Variants in KCNH7 observed in about 807,000 individuals in gnomAD.
KCNH7 encodes the protein voltage-gated inwardly rectifying potassium channel KCNH7.
A neutral mutation model predicts 120.8 loss-of-function variants in KCNH7; 49 were observed. That is an observed-to-expected ratio of 0.41 (90% CI 0.32 to 0.51). The LOEUF is 0.51. KCNH7 is among the 20% of genes least tolerant of loss of function. The pLI, the probability that KCNH7 is intolerant of heterozygous loss-of-function variation, is 0.38. For synonymous variants in KCNH7, 547 were observed against 516.1 expected (o/e 1.06, Z -0.81); for missense variants, 1,097 against 1,446.6 (o/e 0.76, Z 3.92).
chr2:162,832,882 T>G (rs1269562589), intron 2 of KCNH7, among the ~76,000 whole-genome samples: 1 of 152,156 alleles, frequency 6.6e-6, no homozygotes, highest in African/African-American at 2.4e-5. Context: ...AACTTTCTAC[T>G]GATATCTGAC....
chr2:162,675,027 TG>T (rs1397267020), intron 2 of KCNH7, among the ~76,000 whole-genome samples: 2 of 151,362 alleles, frequency 1.3e-5, no homozygotes, highest in Non-Finnish European at 3.0e-5. Context: ...AACTACAAAT[TG>T]GAAAAAGGTA....
chr2:162,812,372 A>G (rs964562779), intron 2 of KCNH7, among the ~76,000 whole-genome samples: 1 of 152,170 alleles, frequency 6.6e-6, no homozygotes, highest in African/African-American at 2.4e-5. Flanking sequence ...CCAGGAGGCT[A>G]GTGCAGTAAT....
intron 2 of KCNH7, among the ~76,000 whole-genome samples, chr2:162,668,285 T>A (rs1385930775): frequency 2.0e-5 from 3 of 152,158 alleles, no homozygotes; most frequent in Non-Finnish European, 4.4e-5. Flanking sequence ...ACTGTGTAGA[T>A]AACAAGACAT....
intron 2 of KCNH7, among the ~76,000 whole-genome samples, chr2:162,655,787 G>T (rs983225369): frequency 6.6e-6 from 1 of 151,984 alleles, no homozygotes; most frequent in Non-Finnish European, 1.5e-5. Flanking sequence ...GCAAGACTCC[G>T]TCTCAAAAAA....
chr2:162,382,339 A>G (rs1686442514), intron 13 of KCNH7, among the ~76,000 whole-genome samples: 2 of 152,106 alleles, frequency 1.3e-5, no homozygotes, highest in Admixed American at 6.6e-5. Context: ...AAACAGCAGT[A>G]TAAAAAATGA....
intron 2 of KCNH7, among the ~76,000 whole-genome samples, chr2:162,578,256 T>C (rs80277868): frequency 0.014 from 2,163 of 152,030 alleles, 20 homozygotes; most frequent in Non-Finnish European, 0.023. Context: ...AATAATTTTT[T>C]AGCAAATTCA....
At chr2:162,412,284 G>C (rs1238222786) in intron 9 of KCNH7, among the ~76,000 whole-genome samples, 1 of 151,910 alleles carries the variant, frequency 6.6e-6, no homozygotes, top group Non-Finnish European at 1.5e-5. Context: ...AGAAGAAAAT[G>C]ATAAAATCTT....
chr2:162,684,165 G>T (rs1298375314), intron 2 of KCNH7, among the ~76,000 whole-genome samples: 1 of 152,004 alleles, frequency 6.6e-6, no homozygotes, highest in Non-Finnish European at 1.5e-5. Flanking sequence ...ACTGTAACTG[G>T]ACCCCTTCCT....
At chr2:162,518,514 G>A (rs1335216868) in intron 3 of KCNH7, among the ~76,000 whole-genome samples, 1 of 151,784 alleles carries the variant, frequency 6.6e-6, no homozygotes, top group Non-Finnish European at 1.5e-5. Flanking sequence ...AAGAATATAT[G>A]ATCTAAGGCA....
At chr2:162,679,727 T>C (rs185628642) in intron 2 of KCNH7, among the ~76,000 whole-genome samples, 1 of 151,754 alleles carries the variant, frequency 6.6e-6, no homozygotes, top group Non-Finnish European at 1.5e-5. Context: ...TTATCTATCT[T>C]TCAGGGTGAA....
chr2:162,742,989 G>T (rs1688190627), intron 2 of KCNH7, among the ~76,000 whole-genome samples: 1 of 152,172 alleles, frequency 6.6e-6, no homozygotes, highest in African/African-American at 2.4e-5. Flanking sequence ...ACCTGACACA[G>T]GTTATGGGGA....
intron 6 of KCNH7, among the ~76,000 whole-genome samples, chr2:162,455,585 T>A (rs1688937024): frequency 6.6e-6 from 1 of 152,158 alleles, no homozygotes; most frequent in South Asian, 2.1e-4. Flanking sequence ...TTTTGGTTAG[T>A]AGGCTATTAA....
intron 2 of KCNH7, among the ~76,000 whole-genome samples, chr2:162,708,005 C>T (rs1380888362): frequency 2.6e-5 from 4 of 151,958 alleles, no homozygotes; most frequent in African/African-American, 9.7e-5. Flanking sequence ...ATCTACTTCC[C>T]ATTTCTCTTG....
At chr2:162,551,156 A>G (rs1214746733) in intron 2 of KCNH7, among the ~76,000 whole-genome samples, 2 of 152,216 alleles carry the variant, frequency 1.3e-5, no homozygotes, top group Non-Finnish European at 2.9e-5. Context: ...AAAGGTATTC[A>G]TCAGAAGGCG....
chr2:162,704,684 C>T (rs1206402788), intron 2 of KCNH7, among the ~76,000 whole-genome samples: 1 of 152,224 alleles, frequency 6.6e-6, no homozygotes, highest in African/African-American at 2.4e-5. Flanking sequence ...CTTTCCATCT[C>T]CTTTTCCAGG....
chr2:162,749,434 C>T (rs1688465911), intron 2 of KCNH7, among the ~76,000 whole-genome samples: 1 of 152,150 alleles, frequency 6.6e-6, no homozygotes, highest in South Asian at 2.1e-4. Context: ...ACAAAAATCT[C>T]TGCTCTTGTG....
intron 2 of KCNH7, among the ~76,000 whole-genome samples, chr2:162,606,744 CTTGAGAAGAAATGTGACAAGATCAT>C (rs1682786570): frequency 6.6e-6 from 1 of 152,080 alleles, no homozygotes; most frequent in Admixed American, 6.5e-5. Context: ...AACAAAATAT[CTTGAGAAGAAATGTGACAAGATCAT>C]TTTTAAAGTT....
At chr2:162,557,644 G>A (rs1334357815) in intron 2 of KCNH7, among the ~76,000 whole-genome samples, 2 of 152,122 alleles carry the variant, frequency 1.3e-5, no homozygotes, top group African/African-American at 4.8e-5. Flanking sequence ...CATTAACAGG[G>A]AAAGGCTAAA....
chr2:162,698,378 G>T (rs1372328050), intron 2 of KCNH7, among the ~76,000 whole-genome samples: 3 of 150,804 alleles, frequency 2.0e-5, no homozygotes, highest in Non-Finnish European at 4.4e-5. Context: ...CTTTTCTCTG[G>T]GTCAGTGAAT....
Sources: allele counts gnomAD v4.1 joint callset (sites outside exome capture counted in the v4.1 genomes callset), GRCh38; gene constraint gnomAD v4.1.1; transcripts MANE v1.5; gene names NCBI Gene and HGNC (gene_info 2026-07-23, HGNC 2026-07-21).